Variants in DUSP16 observed in about 807,000 individuals in gnomAD.
DUSP16 encodes dual specificity protein phosphatase 16.
Under a neutral mutation model 58.3 loss-of-function variants are expected in DUSP16, and 21 were observed. That is an observed-to-expected ratio of 0.36 (90% CI 0.26 to 0.52). DUSP16 has a LOEUF of 0.52. DUSP16 is among the 20% of genes least tolerant of loss of function. The probability of loss-of-function intolerance (pLI) is 0.94; values close to 1 mark genes in which losing one functional copy is unlikely to be tolerated. For synonymous variants in DUSP16, 320 were observed against 323.8 expected (o/e 0.99, Z 0.12); for missense variants, 726 against 819.0 (o/e 0.89, Z 1.39).
At chr12:12,506,490 TTTTA>T (rs1347035486) in intron 3 of DUSP16, among the ~76,000 whole-genome samples, 1 of 152,230 alleles carries the variant, frequency 6.6e-6, no homozygotes, top group Non-Finnish European at 1.5e-5. Context: ...TGCGCCTATT[TTTTA>T]AAGTTGTCTG....
chr12:12,507,798 G>A (rs1470161420), intron 3 of DUSP16, among the ~76,000 whole-genome samples: 5 of 152,176 alleles, frequency 3.3e-5, no homozygotes, highest in South Asian at 2.1e-4. Flanking sequence ...TAGTAAACAC[G>A]GGGTTTCTCC....
intron 3 of DUSP16, 147 bp from the exon 4 acceptor site, chr12:12,500,829 A>C (rs1258070939): frequency 1.3e-6 from 1 of 745,654 alleles, no homozygotes; most frequent in Admixed American, 3.7e-5. Flanking sequence ...GCTGATGCTA[A>C]GACTGAAGCA....
chr12:12,537,084 C>T (rs1003798669), intron 1 of DUSP16, among the ~76,000 whole-genome samples: 5 of 152,176 alleles, frequency 3.3e-5, no homozygotes, highest in African/African-American at 1.2e-4. Flanking sequence ...AATAGGTAGA[C>T]TCTGAAGGTT....
chr12:12,482,165 T>A (rs1013558162), intron 5 of DUSP16, among the ~76,000 whole-genome samples: 3 of 152,334 alleles, frequency 2.0e-5, no homozygotes, highest in Non-Finnish European at 4.4e-5. Context: ...ACCTAGATTA[T>A]AAGGACCTAG....
At position 12,474,392 on chromosome 12, in the gene DUSP16, T is replaced by C. The variant is rs200448965; in HGVS notation, c.*2441A>G. The C allele has an allele frequency of 7.5e-6, 1 of 133,554 alleles. No individual in the cohort carries two copies. Among genetic ancestry groups the C allele is most frequent in the Admixed American group, 7.0e-5 (1 of 14,298 alleles). The allele number at this position is 133,554 out of a possible 1,614,324, so 8.3% of individuals were successfully genotyped here. A position where few individuals can be genotyped will look rare whatever the true frequency, so the allele number is the denominator to read the frequency against. ...CAGTCTTTCCATCTAACTTTACACA[T>C]GTCCTAAATCATTTTCCAGCACTTC... is the stretch of plus-strand genomic sequence containing the variant. On this transcript the variant is annotated 3_prime_UTR_variant, in exon 7 of 7. Coordinates refer to ENST00000298573, the MANE Select transcript of DUSP16 (RefSeq NM_030640.3).
intron 3 of DUSP16, among the ~76,000 whole-genome samples, chr12:12,516,151 T>C (rs1479665396): frequency 6.6e-6 from 1 of 151,898 alleles, no homozygotes; most frequent in Non-Finnish European, 1.5e-5. Flanking sequence ...ATTTTGTGTT[T>C]TGTTTTTTTA....
intron 3 of DUSP16, among the ~76,000 whole-genome samples, chr12:12,508,626 A>G (rs1944030850): frequency 7.0e-6 from 1 of 142,544 alleles, no homozygotes; most frequent in Non-Finnish European, 1.6e-5. Flanking sequence ...ACAGACCAAG[A>G]GGAGAGTGGA....
At chr12:12,561,557 G>A (rs949096207) in intron 1 of DUSP16, among the ~76,000 whole-genome samples, 2 of 152,116 alleles carry the variant, frequency 1.3e-5, no homozygotes, top group Non-Finnish European at 2.9e-5. Flanking sequence ...GCCAAGACCC[G>A]AGCCCCTGTC....
intron 3 of DUSP16, among the ~76,000 whole-genome samples, chr12:12,505,274 T>C (rs1368557888): frequency 6.6e-6 from 1 of 152,202 alleles, no homozygotes; most frequent in African/African-American, 2.4e-5. Context: ...GCTGATGATA[T>C]TCATGGGGTC....
At chr12:12,520,417 CCA>C (rs1288126047) in intron 2 of DUSP16, among the ~76,000 whole-genome samples, 4 of 152,284 alleles carry the variant, frequency 2.6e-5, no homozygotes, top group African/African-American at 9.6e-5. Flanking sequence ...AACTTCCTCA[CCA>C]CACAGACAAC....
In DUSP16 at chr12:12,505,739, AGAAAG is replaced by A. The variant is rs544562161; in HGVS notation, c.368-5062_368-5058del. The stretch of plus-strand genomic sequence containing the variant: ...TCTAGAAAGTTCTAAGACAGAGAAC[AGAAAG>A]GAGAGAAAGAAACCATTGTTCAGCT... On this transcript the variant is annotated intron_variant, in intron 3 of 6. Transcript: ENST00000298573. Among the ~76,000 whole-genome samples the A allele has an allele frequency of 7.4e-3, 1,133 of 152,356 alleles. 4 individuals carry two copies. Among genetic ancestry groups the A allele is most frequent in the Non-Finnish European group, 0.012 (824 of 68,036 alleles).
chr12:12,506,786 C>G (rs943904489), intron 3 of DUSP16, among the ~76,000 whole-genome samples: 1 of 152,244 alleles, frequency 6.6e-6, no homozygotes, highest in Non-Finnish European at 1.5e-5. Flanking sequence ...GCACAGGCAG[C>G]CAGACCGCAA....
intron 5 of DUSP16, among the ~76,000 whole-genome samples, chr12:12,480,805 G>A (rs191318553): frequency 2.0e-5 from 3 of 152,152 alleles, no homozygotes; most frequent in African/African-American, 2.4e-5. Context: ...TGCAATCTCC[G>A]CCTCCCGGAT....
rs530442958 is a variant in DUSP16, at chr12:12,481,502, G to A, written c.692-1156C>T. Among the ~76,000 whole-genome samples, 13 of 152,224 alleles carry A rather than the reference G, an allele frequency of 8.5e-5. No homozygotes were observed. In the South Asian group the frequency reaches 1.7e-3, roughly 19 times the overall value. On this transcript the variant is annotated intron_variant, in intron 5 of 6. Transcript: ENST00000298573. ...TAAAATTCTTGCGATTAACAGATGC[G>A]CAAAGAATCTTACTTTGGCAGCTGA...
chr12:12,498,546 C>T (rs1418860920), intron 4 of DUSP16, among the ~76,000 whole-genome samples: 1 of 151,986 alleles, frequency 6.6e-6, no homozygotes, highest in African/African-American at 2.4e-5. Flanking sequence ...TCCCAAGTAG[C>T]TGGAACTACA....
rs371003781 is a variant in DUSP16, at chr12:12,496,290, TA to T, written c.531+4228del. On this transcript the variant is annotated intron_variant, in intron 4 of 6. Transcript: ENST00000298573. ...GACACGCTTTTGTGTTCCTAGATCA[TA>T]TATTTCCACTGGAAACTCTGAAAGC... 2.4e-3 allele frequency among the ~76,000 whole-genome samples: 363 copies of T among 152,366 alleles called. 1 individual carries two copies. Among genetic ancestry groups the T allele is most frequent in the African/African-American group, 8.4e-3 (348 of 41,592 alleles).
intron 2 of DUSP16, 109 bp from the exon 3 acceptor site, chr12:12,520,109 T>A: frequency 9.1e-7 from 1 of 1,103,490 alleles, no homozygotes; most frequent in Non-Finnish European, 1.3e-6. Context: ...TGCTTCCTGT[T>A]TTCAATTAAT....
rs201126170 is a variant in DUSP16 at position 12,477,116 on chromosome 12, A to G, written c.1715T>C (p.Ile572Thr). ...AGAGTAACTGGCACTGCCTCCGTAG[A>G]TGGCTGAGGCAGAGTAGAAGTGTGA... is the stretch of plus-strand genomic sequence containing the variant. ...ESSHFYSASA[I>T]YGGSASYSAY... Residue 572 changes from isoleucine (I) to threonine (T), a missense_variant, in exon 7 of 7, where the codon ATC (isoleucine) becomes ACC (threonine). Ile to Thr is a moderately conservative substitution (Grantham distance 89). Transcript: ENST00000298573. The surrounding 1 kb of genome is among the most constrained non-coding windows in gnomAD (Gnocchi z 4.1). 5.8e-4 allele frequency: 929 copies of G among 1,614,242 alleles called. 3 individuals are homozygous for G. The highest frequency in any genetic ancestry group is 7.7e-4 in the Non-Finnish European group (912 of 1,180,044).
At chr12:12,497,261 G>C (rs1212131706) in intron 4 of DUSP16, among the ~76,000 whole-genome samples, 1 of 152,176 alleles carries the variant, frequency 6.6e-6, no homozygotes, top group Non-Finnish European at 1.5e-5. Context: ...TATGTGACTT[G>C]CATTATATTT....
Sources: allele counts gnomAD v4.1 joint callset (sites outside exome capture counted in the v4.1 genomes callset), GRCh38; gene constraint gnomAD v4.1.1; non-coding constraint Gnocchi (gnomAD v3.1); transcripts MANE v1.5; gene names NCBI Gene and HGNC (gene_info 2026-07-23, HGNC 2026-07-21).